CFAP53: variants seen among roughly 807,000 people sequenced by gnomAD.
CFAP53 encodes the protein cilia and flagella associated protein 53, also known as cilia- and flagella-associated protein 53.
In CFAP53, 62 loss-of-function variants were observed where a neutral mutation model predicts 59.7. The observed-to-expected ratio is 1.04, with a 90% CI of 0.85 to 1.28. The LOEUF (loss-of-function observed/expected upper bound fraction) is 1.28. Among genes scored for constraint, CFAP53 ranks in the 50% most tolerant of loss-of-function variants. CFAP53 has a pLI of 0.00. For synonymous variants in CFAP53, 218 were observed against 205.7 expected, an observed-to-expected ratio of 1.06 and a Z score of -0.51; for missense variants, 629 against 615.6, an observed-to-expected ratio of 1.02 and a Z score of -0.23.
Position 50,235,645 on chromosome 18 carries a change from T to C in CFAP53, c.1316+2958A>G, listed in dbSNP as rs1007806546. On this transcript the variant is annotated intron_variant, in intron 7 of 7. Coordinates refer to ENST00000398545, the MANE Select transcript of CFAP53 (RefSeq NM_145020.5). ...TAATGCAGTATCTTGTTTTGTGATTTCTAGAATACAACAATTTCAAACCAA... is the reference window on the plus strand; with the variant it reads ...TAATGCAGTATCTTGTTTTGTGATTCCTAGAATACAACAATTTCAAACCAA... Among the ~76,000 whole-genome samples, 3 of 152,226 alleles carry C rather than the reference T, an allele frequency of 2.0e-5. No individual in the cohort carries two copies. The South Asian group carries it at 6.2e-4, about 32-fold the overall frequency.
chr18:50,227,626 G>C lies in CFAP53; in HGVS notation c.1317-17C>G. The C allele has an allele frequency of 1.3e-6, 2 of 1,549,546 alleles. No individual in the cohort carries two copies. Among genetic ancestry groups the C allele is most frequent in the Non-Finnish European group, 1.8e-6 (2 of 1,122,256 alleles). On this transcript the variant is annotated splice_polypyrimidine_tract_variant and intron_variant, in intron 7 of 7. Coordinates refer to ENST00000398545, the MANE Select transcript of CFAP53 (RefSeq NM_145020.5). ...CGTTGGCGTCTAAAGTATTAGAAATGTCAAAGCATAAAATTATAAAAGTAA... is the reference window on the plus strand; with the variant it reads ...CGTTGGCGTCTAAAGTATTAGAAATCTCAAAGCATAAAATTATAAAAGTAA...
intron 7 of CFAP53, among the ~76,000 whole-genome samples, chr18:50,234,174 T>C (rs889663130): frequency 6.6e-6 from 1 of 152,234 alleles, no homozygotes; most frequent in Admixed American, 6.5e-5. Flanking sequence ...AAGTTCACTG[T>C]GTACCTCTGC....
chr18:50,238,259 G>A (rs182358281), intron 7 of CFAP53, among the ~76,000 whole-genome samples: 3 of 152,178 alleles, frequency 2.0e-5, no homozygotes, highest in African/African-American at 7.2e-5. Flanking sequence ...ATCTGTTTTA[G>A]TTTTTGTTTT....
chr18:50,235,391 C>A (rs2033623790), intron 7 of CFAP53, among the ~76,000 whole-genome samples: 1 of 152,036 alleles, frequency 6.6e-6, no homozygotes, highest in East Asian at 1.9e-4. Flanking sequence ...TATGGTGAAA[C>A]CCTGTCTCTA....
At chr18:50,248,358 C>A (rs1210361913) in intron 5 of CFAP53, among the ~76,000 whole-genome samples, 3 of 152,192 alleles carry the variant, frequency 2.0e-5, no homozygotes, top group Admixed American at 6.5e-5. Context: ...AACTGGATTG[C>A]TCATGTATTG....
At chr18:50,236,566 C>A (rs1411776030) in intron 7 of CFAP53, among the ~76,000 whole-genome samples, 1 of 152,126 alleles carries the variant, frequency 6.6e-6, no homozygotes, top group Non-Finnish European at 1.5e-5. Flanking sequence ...TGGAACTCTC[C>A]CTCTCAAAAC....
At chr18:50,264,818 A>G (rs2033921904) in intron 1 of CFAP53, among the ~76,000 whole-genome samples, 2 of 152,226 alleles carry the variant, frequency 1.3e-5, no homozygotes, top group African/African-American at 4.8e-5. Flanking sequence ...GCACCCAACA[A>G]TGGCTCAGCC....
intron 3 of CFAP53, among the ~76,000 whole-genome samples, chr18:50,253,338 AT>A (rs1568157649): frequency 2.0e-5 from 3 of 152,248 alleles, no homozygotes; most frequent in Admixed American, 6.5e-5. Flanking sequence ...TTCTAAAAAA[AT>A]AAATTAAATG....
At position 50,242,920 on chromosome 18, in the gene CFAP53, T is replaced by C. The variant is rs368542333; in HGVS notation, c.1193A>G (p.Lys398Arg). The change falls in exon 6 of 8, where the codon AAA becomes AGA. Residue 398 changes from lysine to arginine, a missense_variant. Physicochemically the swap from Lys to Arg is conservative, Grantham distance 26. Transcript: ENST00000398545. Reference sequence around the variant, plus strand: ...CTTACACTTTTCTTGAACTTGAAGTTTTCTTGTACACATGACCTCATCCAC... The same window carrying C: ...CTTACACTTTTCTTGAACTTGAAGTCTTCTTGTACACATGACCTCATCCAC... ...QLVDEVMCTR[K>R]LQVQEKLQRE... The C allele has an allele frequency of 5.6e-6, 9 of 1,613,396 alleles. No individual in the cohort carries two copies. Among genetic ancestry groups the C allele is most frequent in the Non-Finnish European group, 7.6e-6 (9 of 1,179,962 alleles).
At chr18:50,252,579 T>A (rs184449578) in intron 3 of CFAP53, among the ~76,000 whole-genome samples, 4 of 152,244 alleles carry the variant, frequency 2.6e-5, no homozygotes, top group African/African-American at 7.2e-5. Flanking sequence ...AATTAAAAAA[T>A]TTTTATTTTT....
intron 6 of CFAP53, among the ~76,000 whole-genome samples, chr18:50,242,010 C>A (rs1040626698): frequency 2.0e-5 from 3 of 152,102 alleles, no homozygotes. Flanking sequence ...ATAGACCTAC[C>A]CCCAGGAATG....
intron 4 of CFAP53, among the ~76,000 whole-genome samples, chr18:50,251,226 A>T (rs1169559570): frequency 6.6e-6 from 1 of 152,234 alleles, no homozygotes; most frequent in Admixed American, 6.5e-5. Context: ...TATAAACAGA[A>T]ACTACTTTTA....
intron 7 of CFAP53, among the ~76,000 whole-genome samples, chr18:50,231,435 T>A (rs2033582580): frequency 6.6e-6 from 1 of 152,206 alleles, no homozygotes; most frequent in Non-Finnish European, 1.5e-5. Flanking sequence ...CTCTTTCCCT[T>A]TCCCAACTTA....
At chr18:50,244,136 G>T (rs1311381539) in intron 5 of CFAP53, among the ~76,000 whole-genome samples, 2 of 152,128 alleles carry the variant, frequency 1.3e-5, no homozygotes, top group Non-Finnish European at 2.9e-5. Flanking sequence ...CTATCCAATA[G>T]CAATGAGTTC....
chr18:50,244,842 C>T (rs940101609), intron 5 of CFAP53, among the ~76,000 whole-genome samples: 1 of 151,138 alleles, frequency 6.6e-6, no homozygotes, highest in African/African-American at 2.4e-5. Flanking sequence ...GGGCAGATCA[C>T]TTGAGGTCAG....
At chr18:50,253,315 C>T (rs965110877) in intron 3 of CFAP53, among the ~76,000 whole-genome samples, 5 of 152,130 alleles carry the variant, frequency 3.3e-5, no homozygotes, top group Admixed American at 6.5e-5. Context: ...TGCGCCCAGC[C>T]GTAAGACCCA....
At chr18:50,239,249 A>G (rs1181684767) in intron 6 of CFAP53, among the ~76,000 whole-genome samples, 2 of 151,962 alleles carry the variant, frequency 1.3e-5, no homozygotes, top group African/African-American at 4.8e-5. Flanking sequence ...TTAGCTGGGC[A>G]TGGTGGTGCG....
At chr18:50,245,467 T>A (rs1477079688) in intron 5 of CFAP53, among the ~76,000 whole-genome samples, 1 of 152,080 alleles carries the variant, frequency 6.6e-6, no homozygotes, top group Admixed American at 6.6e-5. Flanking sequence ...AAACTCCTTG[T>A]ATTCCTATTT....
At chr18:50,258,975 A>G (rs1022009458) in intron 3 of CFAP53, among the ~76,000 whole-genome samples, 2 of 152,220 alleles carry the variant, frequency 1.3e-5, no homozygotes, top group African/African-American at 2.4e-5. Flanking sequence ...GTGAGGATGC[A>G]GAGAAAAGGG....
Sources: gnomAD v4.1 joint callset for allele counts (sites outside exome capture counted in the v4.1 genomes callset) on GRCh38, gnomAD v4.1.1 for gene constraint, MANE v1.5 for transcripts, NCBI Gene and HGNC (gene_info 2026-07-23, HGNC 2026-07-21) for gene names.